Variants in NHS observed in about 807,000 individuals in gnomAD.
NHS encodes the protein actin remodeling regulator NHS.
NHS carries 5 observed loss-of-function variants against 72.5 expected under a neutral mutation model. The ratio of observed to expected loss-of-function variants is 0.07; its 90% CI spans 0.04 to 0.14. The LOEUF is 0.14. Ranked by LOEUF, NHS falls within the 10% of genes least tolerant of loss-of-function variation. The pLI is 1.00. For synonymous variants in NHS, 464 were observed against 547.7 expected (o/e 0.85, Z 2.13); for missense variants, 1,072 against 1,355.7 (o/e 0.79, Z 3.29).
At chrX:17,545,755 G>T (rs1397621212) in intron 1 of NHS, among the ~76,000 whole-genome samples, 1 of 111,739 alleles carries the variant, frequency 8.9e-6, no homozygotes, top group African/African-American at 3.3e-5. Flanking sequence ...GATTTGGAAG[G>T]GTCCTATTCA....
intron 3 of NHS, among the ~76,000 whole-genome samples, chrX:17,714,040 T>C (rs1430698304): frequency 2.7e-5 from 3 of 111,156 alleles, no homozygotes; most frequent in Non-Finnish European, 5.7e-5. Flanking sequence ...AAGATGGGCA[T>C]GGCTGGTAGT....
chrX:17,643,719 A>G, intron 1 of NHS, among the ~76,000 whole-genome samples: 1 of 112,182 alleles, frequency 8.9e-6, no homozygotes, highest in Non-Finnish European at 1.9e-5. Flanking sequence ...TGCAACTGAT[A>G]TATTTATTAC....
At chrX:17,546,280 A>G (rs765587907) in intron 1 of NHS, among the ~76,000 whole-genome samples, 24 of 112,494 alleles carry the variant, frequency 2.1e-4, no homozygotes, top group Non-Finnish European at 3.8e-4. Context: ...CCATCCTGCC[A>G]TTCTCTGTCT....
chrX:17,664,744 A>G (rs1418116120), intron 1 of NHS, among the ~76,000 whole-genome samples: 1 of 112,151 alleles, frequency 8.9e-6, no homozygotes, highest in Non-Finnish European at 1.9e-5. Flanking sequence ...TCAAAAAAGC[A>G]TGGTATGATT....
chrX:17,402,352 T>C (rs748191749), intron 1 of NHS, among the ~76,000 whole-genome samples: 13 of 112,109 alleles, frequency 1.2e-4, no homozygotes, highest in Admixed American at 6.6e-4. Context: ...CAAAAACATG[T>C]ACATTGCTGA....
chrX:17,696,400 C>T (rs972985323), intron 3 of NHS, among the ~76,000 whole-genome samples: 1 of 111,652 alleles, frequency 9.0e-6, no homozygotes, highest in Non-Finnish European at 1.9e-5. Flanking sequence ...CATTTGCCTC[C>T]AGGCAGAATT....
chrX:17,540,112 C>T (rs1237044215), intron 1 of NHS, among the ~76,000 whole-genome samples: 1 of 112,120 alleles, frequency 8.9e-6, no homozygotes, highest in Non-Finnish European at 1.9e-5. Context: ...ATGGGAAAGT[C>T]ATTTCACTCT....
chrX:17,560,384 C>T (rs763932839), intron 1 of NHS, among the ~76,000 whole-genome samples: 1 of 112,680 alleles, frequency 8.9e-6, no homozygotes, highest in South Asian at 3.6e-4. Context: ...TCTTGGACTT[C>T]CAATGAGGAA....
Position 17,725,270 on chromosome X carries a change from A to T in NHS, c.1241-77A>T. On this transcript the variant is annotated intron_variant, in intron 6 of 8. Transcript: ENST00000676302. The stretch of plus-strand genomic sequence containing the variant: ...ACAGCTCTAACCTGCCAGCCCACAG[A>T]TCTACAGACATAGCTCAGAATGTCT... 3.0e-6 allele frequency: 3 copies of T among 999,890 alleles called. No homozygotes were observed. The East Asian group carries it at 9.2e-5, about 31-fold the overall frequency. The allele number at this position is 999,890 out of a possible 1,213,427, so 82.4% of individuals were successfully genotyped here.
At chrX:17,516,663 T>C (rs1332053217) in intron 1 of NHS, among the ~76,000 whole-genome samples, 1 of 104,197 alleles carries the variant, frequency 9.6e-6, no homozygotes, top group Admixed American at 1.0e-4. Context: ...GATTGAGGAG[T>C]GTACAGGAGG....
intron 1 of NHS, chrX:17,552,651 A>AG (rs1328532852): frequency 1.8e-5 from 2 of 110,933 alleles, no homozygotes; most frequent in Non-Finnish European, 3.8e-5. Context: ...TTTAAGGGAG[A>AG]GGGGGTGGGG....
chrX:17,583,701 GC>G (rs1472516929), intron 1 of NHS, among the ~76,000 whole-genome samples: 1 of 111,844 alleles, frequency 8.9e-6, no homozygotes, highest in African/African-American at 3.3e-5. Context: ...GCCTCACCCT[GC>G]CCCACTTCAC....
At chrX:17,506,181 C>T (rs1318215787) in intron 1 of NHS, among the ~76,000 whole-genome samples, 2 of 111,285 alleles carry the variant, frequency 1.8e-5, no homozygotes, top group South Asian at 3.8e-4. Context: ...GTCCTAGAAT[C>T]GGCACCCACA....
chrX:17,503,640 G>T (rs1459886868), intron 1 of NHS, among the ~76,000 whole-genome samples: 1 of 111,577 alleles, frequency 9.0e-6, no homozygotes, highest in Non-Finnish European at 1.9e-5. Context: ...CTCTGTTGAG[G>T]ATTATCTGGG....
chrX:17,508,511 C>T (rs1414836363), intron 1 of NHS, among the ~76,000 whole-genome samples: 5 of 111,713 alleles, frequency 4.5e-5, no homozygotes, highest in Admixed American at 9.5e-5. Flanking sequence ...CTCACTGTCA[C>T]CCAAACTGGA....
At chrX:17,721,657 G>A in intron 5 of NHS, 24 bp downstream of exon 5, 1 of 1,154,247 alleles carries the variant, frequency 8.7e-7, no homozygotes, top group South Asian at 1.9e-5. Context: ...TTTTTCTTAG[G>A]GGCAGTCGGG....
intron 2 of NHS, among the ~76,000 whole-genome samples, chrX:17,690,553 T>G (rs5909283): frequency 8.9e-6 from 1 of 112,200 alleles, no homozygotes; most frequent in Non-Finnish European, 1.9e-5. Flanking sequence ...ATCTGCTTGA[T>G]AGCAAACCCC....
chrX:17,454,775 G>A (rs768710039), intron 1 of NHS, among the ~76,000 whole-genome samples: 15 of 111,939 alleles, frequency 1.3e-4, no homozygotes, highest in Non-Finnish European at 1.5e-4. Context: ...AGGGAATATC[G>A]TAAGGCATCT....
intron 1 of NHS, among the ~76,000 whole-genome samples, chrX:17,404,798 ACTCTGT>A (rs1256872966): frequency 2.5e-4 from 25 of 98,361 alleles, no homozygotes; most frequent in African/African-American, 9.9e-4. Context: ...TGCCCGTAAC[ACTCTGT>A]CTCTCTCTCT....
Sources: allele counts gnomAD v4.1 joint callset (sites outside exome capture counted in the v4.1 genomes callset), GRCh38; gene constraint gnomAD v4.1.1; transcripts MANE v1.5; gene names NCBI Gene and HGNC (gene_info 2026-07-23, HGNC 2026-07-21).